DNAJC1: variants seen among roughly 807,000 people sequenced by gnomAD.
The protein encoded by DNAJC1 is DnaJ heat shock protein family (Hsp40) member C1, also known as dnaJ homolog subfamily C member 1.
In DNAJC1, 58 loss-of-function variants were observed where a neutral mutation model predicts 76.6. The ratio of observed to expected loss-of-function variants is 0.76; its 90% confidence interval spans 0.61 to 0.94. DNAJC1 has a LOEUF of 0.94. Among genes scored for constraint, DNAJC1 ranks in the 40% least tolerant of loss-of-function variants. DNAJC1 has a pLI of 0.00. For missense variants in DNAJC1, 689 were observed against 677.3 expected, an observed-to-expected ratio of 1.02 and a Z score of -0.19; for synonymous variants, 258 against 267.9, an observed-to-expected ratio of 0.96 and a Z score of 0.36.
chr10:21,813,301 C>T (rs1236493350), intron 8 of DNAJC1, among the ~76,000 whole-genome samples: 1 of 148,646 alleles, frequency 6.7e-6, no homozygotes, highest in Non-Finnish European at 1.5e-5. Context: ...GGGAAGCCAA[C>T]TGCCAAACAG....
chr10:21,789,368 G>A (rs1398332161), intron 9 of DNAJC1, among the ~76,000 whole-genome samples: 1 of 152,128 alleles, frequency 6.6e-6, no homozygotes, highest in African/African-American at 2.4e-5. Flanking sequence ...CCCAACTGCA[G>A]GTGAAAGTCT....
chr10:21,992,799 A>G (rs1269405647), intron 1 of DNAJC1, among the ~76,000 whole-genome samples: 1 of 152,188 alleles, frequency 6.6e-6, no homozygotes, highest in East Asian at 1.9e-4. Flanking sequence ...GAATTTGAAT[A>G]TTTATACATT....
intron 9 of DNAJC1, among the ~76,000 whole-genome samples, chr10:21,771,973 C>T (rs1834383532): frequency 6.6e-6 from 1 of 152,084 alleles, no homozygotes; most frequent in Admixed American, 6.6e-5. Flanking sequence ...AAATCTTCAC[C>T]CAGGCTGAAG....
At chr10:21,957,085 T>A (rs1837700735) in intron 1 of DNAJC1, among the ~76,000 whole-genome samples, 1 of 151,856 alleles carries the variant, frequency 6.6e-6, no homozygotes, top group South Asian at 2.1e-4. Context: ...AGAGACAGGG[T>A]TTCACCATCT....
At chr10:21,943,332 G>A (rs1279769454) in intron 1 of DNAJC1, among the ~76,000 whole-genome samples, 1 of 152,202 alleles carries the variant, frequency 6.6e-6, no homozygotes, top group African/African-American at 2.4e-5. Context: ...AAGTAAAGTA[G>A]ATAATTCCCT....
intron 8 of DNAJC1, among the ~76,000 whole-genome samples, chr10:21,866,634 C>G (rs1198521646): frequency 6.6e-6 from 1 of 152,024 alleles, no homozygotes; most frequent in African/African-American, 2.4e-5. Flanking sequence ...AAACAAGCAA[C>G]CCCAAACTAA....
At chr10:21,914,908 TCTGA>T (rs745688555) in intron 6 of DNAJC1, among the ~76,000 whole-genome samples, 14 of 152,188 alleles carry the variant, frequency 9.2e-5, no homozygotes, top group Non-Finnish European at 1.8e-4. Context: ...ACCTTACTTC[TCTGA>T]CTATCTACAG....
At chr10:21,863,962 G>A (rs2131701341) in intron 8 of DNAJC1, among the ~76,000 whole-genome samples, 1 of 152,268 alleles carries the variant, frequency 6.6e-6, no homozygotes, top group South Asian at 2.1e-4. Flanking sequence ...AAGGAAGTTA[G>A]GAGGCCAAGG....
intron 8 of DNAJC1, among the ~76,000 whole-genome samples, chr10:21,835,730 T>C (rs902335705): frequency 2.6e-5 from 4 of 152,116 alleles, no homozygotes; most frequent in Non-Finnish European, 4.4e-5. Flanking sequence ...GTATCAGAGA[T>C]GGAAGACGAA....
At chr10:21,970,413 C>A (rs1447466454) in intron 1 of DNAJC1, among the ~76,000 whole-genome samples, 1 of 151,448 alleles carries the variant, frequency 6.6e-6, no homozygotes, top group Non-Finnish European at 1.5e-5. Context: ...TTAAAAAAAC[C>A]AAAAAATTTA....
chr10:21,911,040 AAAGGAAGGAAGGAAGGAAGGAAGGAAGG>A (rs56239918), intron 6 of DNAJC1, among the ~76,000 whole-genome samples: 3 of 130,026 alleles, frequency 2.3e-5, no homozygotes, highest in South Asian at 2.9e-4. Flanking sequence ...AAAGAGAGAG[AAAGGAAGGAAGGAAGGAAGGAAGGAAGG>A]AAGGAAGGAA....
At chr10:21,863,973 C>T (rs1224476781) in intron 8 of DNAJC1, among the ~76,000 whole-genome samples, 1 of 152,046 alleles carries the variant, frequency 6.6e-6, no homozygotes, top group Non-Finnish European at 1.5e-5. Context: ...GAGGCCAAGG[C>T]GGGTGGATCA....
chr10:21,829,436 T>G (rs1417771929), intron 8 of DNAJC1, among the ~76,000 whole-genome samples: 1 of 152,234 alleles, frequency 6.6e-6, no homozygotes, highest in African/African-American at 2.4e-5. Flanking sequence ...CAGAATGGTC[T>G]TGATTTCCTG....
At chr10:21,822,924 C>G (rs1356088756) in intron 8 of DNAJC1, among the ~76,000 whole-genome samples, 1 of 150,996 alleles carries the variant, frequency 6.6e-6, no homozygotes, top group East Asian at 1.9e-4. Context: ...AGACATAAAC[C>G]AGGTGCACAG....
At position 21,803,589 on chromosome 10, in the gene DNAJC1, C is replaced by G. The variant is rs866924828; in HGVS notation, c.1098+2391G>C. ...CTGTTCTCTTTTACAGAGTGATTTT[C>G]TGTGTGTGTGTGTGTGTGTGTGTGT... is the stretch of plus-strand genomic sequence containing the variant. On this transcript the variant is annotated intron_variant, in intron 9 of 11. Transcript: ENST00000376980. Among the ~76,000 whole-genome samples the G allele has an allele frequency of 1.1e-4, 15 of 140,738 alleles. No homozygotes were observed. In the Middle Eastern group the frequency reaches 0.014, roughly 131 times the overall value. 92.3% of individuals were successfully genotyped at this position (140,738 alleles called of 152,430 possible).
At chr10:21,849,244 G>C (rs533713932) in intron 8 of DNAJC1, among the ~76,000 whole-genome samples, 1 of 125,748 alleles carries the variant, frequency 8.0e-6, no homozygotes, top group Non-Finnish European at 1.6e-5. Flanking sequence ...AGTGAGCCGA[G>C]ATCGTGCCAC....
intron 1 of DNAJC1, among the ~76,000 whole-genome samples, chr10:21,966,489 A>T (rs1330154743): frequency 3.4e-5 from 5 of 148,210 alleles, no homozygotes; most frequent in African/African-American, 9.9e-5. Context: ...TTCTACTGTT[A>T]AAAAAAAAGC....
At chr10:21,786,926 G>C (rs1834618976) in intron 9 of DNAJC1, among the ~76,000 whole-genome samples, 1 of 152,106 alleles carries the variant, frequency 6.6e-6, no homozygotes, top group Admixed American at 6.5e-5. Flanking sequence ...ATAAAGGAGG[G>C]AGTATGTAAT....
At chr10:21,867,491 G>A (rs1214993637) in intron 8 of DNAJC1, among the ~76,000 whole-genome samples, 1 of 152,104 alleles carries the variant, frequency 6.6e-6, no homozygotes, top group African/African-American at 2.4e-5. Flanking sequence ...ATAATACAAG[G>A]TGGTCCCTGA....
Sources: gnomAD v4.1 joint callset for allele counts (sites outside exome capture counted in the v4.1 genomes callset) on GRCh38, gnomAD v4.1.1 for gene constraint, MANE v1.5 for transcripts, NCBI Gene and HGNC (gene_info 2026-07-23, HGNC 2026-07-21) for gene names.